The following AGMO variants were observed in gnomAD, a reference collection of about 807,000 sequenced individuals.
AGMO encodes glyceryl-ether monooxygenase.
AGMO carries 75 observed loss-of-function variants against 60.2 expected under a neutral mutation model. That is an observed-to-expected ratio of 1.25 (90% CI 1.03 to 1.51). The LOEUF (loss-of-function observed/expected upper bound fraction) is 1.51. AGMO is among the 40% of genes most tolerant of loss of function. AGMO has a pLI of 0.00. For missense variants in AGMO, 763 were observed against 525.5 expected (o/e 1.45, Z -4.42); for synonymous variants, 261 against 177.1 (o/e 1.47, Z -3.76).
At chr7:15,446,029 A>G (rs545295899) in intron 3 of AGMO, among the ~76,000 whole-genome samples, 1 of 152,356 alleles carries the variant, frequency 6.6e-6, no homozygotes, top group East Asian at 1.9e-4. Context: ...ACATCTTATA[A>G]TATCATTAGT....
chr7:15,512,679 T>C (rs1453888555), intron 3 of AGMO, among the ~76,000 whole-genome samples: 1 of 152,224 alleles, frequency 6.6e-6, no homozygotes, highest in East Asian at 1.9e-4. Context: ...CTATTTACTA[T>C]ATGGATTGGT....
At chr7:15,154,106 A>G in the AGMO span, among the ~76,000 whole-genome samples, 3 of 152,152 alleles carry the variant, frequency 2.0e-5, no homozygotes, top group Non-Finnish European at 4.4e-5. Context: ...TTTGCTGATG[A>G]TATGATCATA....
At chr7:15,242,178 C>T (rs922510395) in intron 12 of AGMO, among the ~76,000 whole-genome samples, 1 of 152,048 alleles carries the variant, frequency 6.6e-6, no homozygotes, top group African/African-American at 2.4e-5. Flanking sequence ...CATACATAAT[C>T]AGGGCATGAT....
chr7:15,315,401 G>C lies in AGMO; in HGVS notation c.1263+50113C>G, dbSNP rs557318675. ...TTGCCAGGCTGGAGTGTAGTGGCGC[G>C]ATCTAGGCTAACTGCAACCTCCGAT... On this transcript the variant is annotated intron_variant, in intron 12 of 12. Transcript: ENST00000342526. Among the ~76,000 whole-genome samples, 14 of 134,590 alleles carry C rather than the reference G, an allele frequency of 1.0e-4. No homozygotes were observed. In the South Asian group the frequency reaches 3.3e-3, roughly 32 times the overall value. The allele number at this position is 134,590 out of a possible 152,430, so 88.3% of individuals were successfully genotyped here. A position where few individuals can be genotyped will look rare whatever the true frequency, so the allele number is the denominator to read the frequency against.
rs779856351 is a variant in AGMO, at chr7:15,390,716, A to G, written c.777T>C (p.Tyr259=). 10 of 1,611,578 alleles carry G rather than the reference A, an allele frequency of 6.2e-6. No homozygotes were observed. Among genetic ancestry groups the G allele is most frequent in the Admixed American group, 1.7e-5 (1 of 59,940 alleles). Residue 259 remains tyrosine, a synonymous_variant, in exon 8 of 13, where the codon TAT becomes TAC. Coordinates refer to ENST00000342526, the MANE Select transcript of AGMO (RefSeq NM_001004320.2). Reference sequence around the variant, plus strand: ...ATGTATTAATGGGATGTGTTAAGCCATATACAACTTTTTCATTTTCTGCTT... The same window carrying G: ...ATGTATTAATGGGATGTGTTAAGCCGTATACAACTTTTTCATTTTCTGCTT... ...TFEAENEKVV[Y]GLTHPINTFE... is the part of the protein sequence containing the mutation.
chr7:15,526,597 G>T (rs1562552892), intron 3 of AGMO, among the ~76,000 whole-genome samples: 1 of 152,022 alleles, frequency 6.6e-6, no homozygotes, highest in Non-Finnish European at 1.5e-5. Flanking sequence ...AGCCTTCTTG[G>T]GTTTGTGTTT....
At chr7:15,433,562 CA>C (rs1329881318) in intron 3 of AGMO, among the ~76,000 whole-genome samples, 1 of 151,834 alleles carries the variant, frequency 6.6e-6, no homozygotes, top group Non-Finnish European at 1.5e-5. Context: ...CTTTTGTGAA[CA>C]AAATGAGAAA....
At chr7:15,559,193 T>C (rs1189407123) in intron 2 of AGMO, among the ~76,000 whole-genome samples, 1 of 152,098 alleles carries the variant, frequency 6.6e-6, no homozygotes, top group Non-Finnish European at 1.5e-5. Flanking sequence ...ATATTACTGC[T>C]TTTGGGGAAA....
At chr7:15,346,220 A>C (rs2128551777) in intron 12 of AGMO, among the ~76,000 whole-genome samples, 1 of 152,264 alleles carries the variant, frequency 6.6e-6, no homozygotes, top group South Asian at 2.1e-4. Context: ...CAGCAATGTA[A>C]ACAATGTAAT....
At chr7:15,261,097 C>A (rs753978483) in intron 12 of AGMO, among the ~76,000 whole-genome samples, 1 of 151,892 alleles carries the variant, frequency 6.6e-6, no homozygotes, top group African/African-American at 2.4e-5. Flanking sequence ...TAAAGTCACA[C>A]CTTATAAAAC....
chr7:15,379,461 A>T (rs1036655512), intron 10 of AGMO, among the ~76,000 whole-genome samples: 1 of 152,090 alleles, frequency 6.6e-6, no homozygotes, highest in East Asian at 1.9e-4. Context: ...TACAAACAAC[A>T]ATCAGAAAAT....
intron 3 of AGMO, among the ~76,000 whole-genome samples, chr7:15,472,750 T>C (rs2128513294): frequency 6.6e-6 from 1 of 152,090 alleles, no homozygotes; most frequent in South Asian, 2.1e-4. Context: ...ACACTGGCAA[T>C]ACCACTATTT....
chr7:15,225,150 T>G (rs76974363), intron 12 of AGMO, among the ~76,000 whole-genome samples: 9 of 151,950 alleles, frequency 5.9e-5, no homozygotes, highest in African/African-American at 2.2e-4. Context: ...AGATTTTTAT[T>G]TACCATCAGA....
At chr7:15,210,813 G>T (rs1781568156) in intron 12 of AGMO, among the ~76,000 whole-genome samples, 1 of 152,080 alleles carries the variant, frequency 6.6e-6, no homozygotes, top group South Asian at 2.1e-4. Context: ...TATATTATTT[G>T]ATCTGGGTTT....
intron 12 of AGMO, among the ~76,000 whole-genome samples, chr7:15,305,863 C>T (rs1004686476): frequency 1.3e-5 from 2 of 151,834 alleles, no homozygotes; most frequent in Non-Finnish European, 2.9e-5. Context: ...AGTAAAATGG[C>T]ACTATGGGTA....
intron 12 of AGMO, among the ~76,000 whole-genome samples, chr7:15,285,952 C>A (rs1784086231): frequency 6.6e-6 from 1 of 151,944 alleles, no homozygotes; most frequent in African/African-American, 2.4e-5. Flanking sequence ...CTTGAGAAAG[C>A]ATTCAAAAAT....
chr7:15,201,380 G>C (rs751032306), intron 12 of AGMO, 21 bp from the exon 13 acceptor site: 2 of 1,569,214 alleles, frequency 1.3e-6, no homozygotes, highest in Non-Finnish European at 1.7e-6. Context: ...AAAACACAAA[G>C]AGAAAAAAAA....
At chr7:15,234,599 G>T (rs188549031) in intron 12 of AGMO, among the ~76,000 whole-genome samples, 12 of 152,130 alleles carry the variant, frequency 7.9e-5, no homozygotes, top group Admixed American at 7.8e-4. Context: ...TCTATAGCTG[G>T]GGTCAGCAAC....
chr7:15,234,902 C>G (rs1043157925), intron 12 of AGMO, among the ~76,000 whole-genome samples: 1 of 152,092 alleles, frequency 6.6e-6, no homozygotes, highest in Non-Finnish European at 1.5e-5. Flanking sequence ...GCTACAGACC[C>G]TTGATTTACA....
Sources: gnomAD v4.1 joint callset for allele counts (sites outside exome capture counted in the v4.1 genomes callset) on GRCh38, gnomAD v4.1.1 for gene constraint, MANE v1.5 for transcripts, NCBI Gene and HGNC (gene_info 2026-07-23, HGNC 2026-07-21) for gene names.